The following RFC2 variants were observed in gnomAD, a reference collection of about 807,000 sequenced individuals.
The protein encoded by RFC2 is A1 40 kDa subunit.
RFC2 carries 34 observed loss-of-function variants against 44.8 expected under a neutral mutation model. The observed-to-expected ratio is 0.76, with a 90% CI of 0.58 to 1.01. The LOEUF (loss-of-function observed/expected upper bound fraction) is 1.01, where lower values mean the gene tolerates loss of function less well. Ranked by LOEUF, RFC2 falls within the 50% of genes least tolerant of loss-of-function variation. The pLI, the probability that RFC2 is intolerant of heterozygous loss-of-function variation, is 0.00. For synonymous variants in RFC2, 177 were observed against 168.9 expected, an observed-to-expected ratio of 1.05 and a Z score of -0.37; for missense variants, 400 against 453.6, an observed-to-expected ratio of 0.88 and a Z score of 1.07.
Position 74,245,186 on chromosome 7 carries a change from C to T in RFC2, c.434+1476G>A, listed in dbSNP as rs149236151. 6.8e-3 allele frequency among the ~76,000 whole-genome samples: 1,026 copies of T among 151,846 alleles called. 15 individuals carry two copies. The highest frequency in any genetic ancestry group is 0.021 in the African/African-American group (880 of 41,436). Reference sequence around the variant, plus strand: ...CTGGGATTACAGGTATGTGCCACCACACCTGGCTAATTTTGTATTTTTAGT... The same window carrying T: ...CTGGGATTACAGGTATGTGCCACCATACCTGGCTAATTTTGTATTTTTAGT... On this transcript the variant is annotated intron_variant, in intron 5 of 10. Transcript: ENST00000055077.
chr7:74,248,174 G>GT (rs1284659035), intron 4 of RFC2, among the ~76,000 whole-genome samples: 20 of 150,392 alleles, frequency 1.3e-4, no homozygotes, highest in East Asian at 3.9e-4. Flanking sequence ...TCAGATCTGG[G>GT]TTTTTTTTTC....
chr7:74,233,750 G>A (rs1271190274), intron 10 of RFC2: 17 of 449,024 alleles, frequency 3.8e-5, no homozygotes, highest in African/African-American at 6.0e-5. Flanking sequence ...ACAGGTGTAA[G>A]CCACTGCATC....
chr7:74,250,612 T>C (rs1260376099), intron 2 of RFC2, among the ~76,000 whole-genome samples: 3 of 152,092 alleles, frequency 2.0e-5, no homozygotes, highest in African/African-American at 7.2e-5. Context: ...TCCTCCTCCT[T>C]CGTCTCCAGC....
At chr7:74,250,416 G>A (rs1786862592) in intron 2 of RFC2, among the ~76,000 whole-genome samples, 1 of 151,866 alleles carries the variant, frequency 6.6e-6, no homozygotes, top group Non-Finnish European at 1.5e-5. Flanking sequence ...TTGGCCTCCC[G>A]AGTAGCTGGG....
intron 10 of RFC2, chr7:74,233,797 A>G (rs557185540): frequency 2.2e-6 from 1 of 456,454 alleles, no homozygotes; most frequent in Admixed American, 2.4e-5. Flanking sequence ...CTTAAAAACC[A>G]AACTGAGCAC....
intron 1 of RFC2, among the ~76,000 whole-genome samples, 157 bp downstream of exon 1, chr7:74,254,114 C>T (rs2116361726): frequency 6.6e-6 from 1 of 152,300 alleles, no homozygotes; most frequent in South Asian, 2.1e-4. Flanking sequence ...CCATGTCCGT[C>T]GCCTTCTTGA....
At chr7:74,249,484 T>G (rs1371015508) in intron 3 of RFC2, among the ~76,000 whole-genome samples, 1 of 151,744 alleles carries the variant, frequency 6.6e-6, no homozygotes, top group East Asian at 1.9e-4. Context: ...GAGGTTGCGG[T>G]GAGCAGAGAT....
intron 2 of RFC2, among the ~76,000 whole-genome samples, chr7:74,251,824 G>A (rs776771172): frequency 1.2e-4 from 17 of 141,624 alleles, no homozygotes; most frequent in Non-Finnish European, 2.0e-4. Context: ...AAGGCCGGGC[G>A]CGGTGGTTCA....
chr7:74,239,581 T>C (rs1425828857), intron 7 of RFC2, among the ~76,000 whole-genome samples: 1 of 152,184 alleles, frequency 6.6e-6, no homozygotes, highest in Non-Finnish European at 1.5e-5. Flanking sequence ...TCCACCCGCC[T>C]TGGCCTTCCA....
At chr7:74,235,796 C>A in intron 9 of RFC2, 151 bp from the exon 10 acceptor site, 1 of 616,774 alleles carries the variant, frequency 1.6e-6, no homozygotes. Context: ...GATAACATTG[C>A]AAATGTATTG....
intron 4 of RFC2, among the ~76,000 whole-genome samples, chr7:74,247,678 T>C (rs911319826): frequency 6.6e-6 from 1 of 152,040 alleles, no homozygotes; most frequent in Non-Finnish European, 1.5e-5. Flanking sequence ...AACAGAACAG[T>C]ACAGAACTGC....
intron 7 of RFC2, among the ~76,000 whole-genome samples, chr7:74,239,287 T>C (rs1554718889): frequency 6.6e-6 from 1 of 150,986 alleles, no homozygotes; most frequent in African/African-American, 2.4e-5. Flanking sequence ...GCGATTCTTC[T>C]GCCTCGGCCT....
intron 2 of RFC2, among the ~76,000 whole-genome samples, chr7:74,251,225 A>G (rs1786919622): frequency 2.0e-5 from 3 of 151,880 alleles, no homozygotes; most frequent in Non-Finnish European, 4.4e-5. Context: ...ATCATAGCTC[A>G]CTGCAGCGTC....
chr7:74,247,139 C>T (rs1554720212), intron 4 of RFC2, among the ~76,000 whole-genome samples: 1 of 149,208 alleles, frequency 6.7e-6, no homozygotes, highest in Non-Finnish European at 1.5e-5. Flanking sequence ...AAAAAAAAGC[C>T]TCATCCTTCA....
intron 5 of RFC2, among the ~76,000 whole-genome samples, chr7:74,243,604 CT>C (rs112290922): frequency 0.032 from 4,705 of 148,128 alleles, 240 homozygotes; most frequent in African/African-American, 0.11. Flanking sequence ...CTTTTTTATT[CT>C]TTTTTTTTTC....
chr7:74,232,191 A>C lies in RFC2; in HGVS notation c.980T>G (p.Ile327Arg), dbSNP rs777346846. 5.6e-6 allele frequency: 9 copies of C among 1,611,406 alleles called. No homozygotes were observed. Among genetic ancestry groups the C allele is most frequent in the Non-Finnish European group, 5.9e-6 (7 of 1,177,674 alleles). ...CAAAAGAGAGTTCACTCCTTCCGCT[A>C]TTTTCATGTGAGTGTATCCAATTTC... is the stretch of plus-strand genomic sequence containing the variant. ...IKEIGYTHMKIAEGVNSLLQM... is the reference protein window; with the variant it reads ...IKEIGYTHMKRAEGVNSLLQM... Residue 327 changes from isoleucine (I) to arginine (R), a missense_variant, in exon 11 of 11, where the codon ATA becomes AGA. Coordinates refer to ENST00000055077, the MANE Select transcript of RFC2 (RefSeq NM_181471.3).
chr7:74,246,822 AG>A (rs782790186), intron 4 of RFC2, 59 bp from the exon 5 acceptor site: 77 of 1,193,656 alleles, frequency 6.5e-5, no homozygotes, highest in Non-Finnish European at 9.0e-5. Context: ...TGCCTTCACA[AG>A]GACTTTTAAA....
intron 3 of RFC2, among the ~76,000 whole-genome samples, chr7:74,249,401 C>T (rs372310992): frequency 7.2e-5 from 11 of 152,006 alleles, no homozygotes; most frequent in African/African-American, 1.9e-4. Context: ...CTTAGCTGGG[C>T]GTGATGGCAG....
intron 4 of RFC2, among the ~76,000 whole-genome samples, chr7:74,247,451 C>T (rs1803683575): frequency 6.6e-6 from 1 of 152,184 alleles, no homozygotes; most frequent in Non-Finnish European, 1.5e-5. Flanking sequence ...ATCAACCTGG[C>T]CAACACGGCG....
Sources: allele counts gnomAD v4.1 joint callset (sites outside exome capture counted in the v4.1 genomes callset), GRCh38; gene constraint gnomAD v4.1.1; transcripts MANE v1.5; gene names NCBI Gene and HGNC (gene_info 2026-07-23, HGNC 2026-07-21).